MEF2A: variants seen among roughly 807,000 people sequenced by gnomAD.
The protein encoded by MEF2A is myocyte-specific enhancer factor 2A.
Under a neutral mutation model 55.8 loss-of-function variants are expected in MEF2A, and 28 were observed. The ratio of observed to expected loss-of-function variants is 0.50; its 90% CI spans 0.37 to 0.69. The LOEUF is 0.69. Among genes scored for constraint, MEF2A ranks in the 30% least tolerant of loss-of-function variants. The probability of loss-of-function intolerance (pLI) is 0.00; values close to 1 mark genes in which losing one functional copy is unlikely to be tolerated. For missense variants in MEF2A, 528 were observed against 626.2 expected (o/e 0.84, Z 1.67); for synonymous variants, 239 against 227.1 (o/e 1.05, Z -0.47).
intron 1 of MEF2A, among the ~76,000 whole-genome samples, chr15:99,591,799 C>T (rs1041681709): frequency 6.6e-6 from 1 of 152,006 alleles, no homozygotes; most frequent in Admixed American, 6.6e-5. Flanking sequence ...TTTTGAGATA[C>T]TGCACTTTTT....
intron 8 of MEF2A, among the ~76,000 whole-genome samples, chr15:99,693,566 A>G (rs2055913500): frequency 6.6e-6 from 1 of 152,228 alleles, no homozygotes; most frequent in Non-Finnish European, 1.5e-5. Context: ...TTCACAAACT[A>G]AACTATTCAA....
chr15:99,695,103 A>T (rs1404143794), intron 8 of MEF2A, among the ~76,000 whole-genome samples: 1 of 151,926 alleles, frequency 6.6e-6, no homozygotes, highest in Non-Finnish European at 1.5e-5. Context: ...AAGGAACATT[A>T]TTTTTATGGA....
At chr15:99,587,223 A>G (rs1160674997) in intron 1 of MEF2A, among the ~76,000 whole-genome samples, 1 of 151,846 alleles carries the variant, frequency 6.6e-6, no homozygotes, top group African/African-American at 2.4e-5. Context: ...CCACCCCATG[A>G]CAGGCCCCGG....
At chr15:99,706,245 A>G (rs186461446) in intron 9 of MEF2A, among the ~76,000 whole-genome samples, 7 of 152,396 alleles carry the variant, frequency 4.6e-5, no homozygotes, top group South Asian at 2.1e-4. Flanking sequence ...TAAGAATACA[A>G]GCTGCACCCA....
intron 3 of MEF2A, among the ~76,000 whole-genome samples, chr15:99,641,918 T>C (rs887449895): frequency 6.6e-6 from 1 of 152,236 alleles, no homozygotes; most frequent in African/African-American, 2.4e-5. Context: ...TTTTAGAAGC[T>C]GAGCGTGCAG....
rs747168853 is a variant in MEF2A, at chr15:99,712,533, A to AGCAGCC, written c.1283_1288dup (p.Gln428_Pro429dup). Reference sequence around the variant, plus strand: ...CAGCAGCAGCAGCAGCAGCAGCAGCAGCAGCCGCCGCCACCACCGCAGCCC... The same window carrying AGCAGCC: ...CAGCAGCAGCAGCAGCAGCAGCAGCAGCAGCCGCAGCCGCCGCCACCACCGCAGCCC... On this transcript the variant is annotated inframe_insertion, in exon 12 of 12. Transcript: ENST00000557942. The surrounding 1 kb of genome is among the most constrained non-coding windows in gnomAD (Gnocchi z 4.1). 6.5e-6 allele frequency: 9 copies of AGCAGCC among 1,381,202 alleles called. No homozygotes were observed. The South Asian group carries it at 1.0e-4, about 16-fold the overall frequency. 85.6% of individuals were successfully genotyped at this position (1,381,202 alleles called of 1,614,324 possible).
At chr15:99,656,399 G>A (rs1937309891) in intron 4 of MEF2A, among the ~76,000 whole-genome samples, 1 of 152,084 alleles carries the variant, frequency 6.6e-6, no homozygotes, top group Admixed American at 6.6e-5. Context: ...ATGCAGCTTT[G>A]TATTCTGCAC....
intron 2 of MEF2A, among the ~76,000 whole-genome samples, chr15:99,614,023 T>C (rs186480357): frequency 6.6e-6 from 1 of 152,272 alleles, no homozygotes; most frequent in African/African-American, 2.4e-5. Flanking sequence ...GAAAAAGACA[T>C]GATATTAGGG....
At chr15:99,706,185 C>A (rs549680487) in intron 9 of MEF2A, among the ~76,000 whole-genome samples, 1 of 152,228 alleles carries the variant, frequency 6.6e-6, no homozygotes, top group South Asian at 2.1e-4. Flanking sequence ...GATACATGTC[C>A]GAATCTGTTG....
At position 99,690,374 on chromosome 15, in the gene MEF2A, A is replaced by G. The variant is rs1458092633; in HGVS notation, c.804A>G (p.Lys268=). ...GGGNLGMNSR[K]PDLRVVIPPS... ...GTAATCTTGGAATGAACAGTAGGAA[A>G]CCAGATCTTCGAGTTGTCATCCCCC... The change falls in exon 8 of 12, where the codon AAA becomes AAG. Residue 268 remains lysine, a synonymous_variant. Transcript: ENST00000557942. 1.2e-6 allele frequency: 2 copies of G among 1,610,734 alleles called. No homozygotes were observed. The highest frequency in any genetic ancestry group is 1.7e-6 in the Non-Finnish European group (2 of 1,177,918).
chr15:99,655,707 G>A (rs191576228), intron 4 of MEF2A, among the ~76,000 whole-genome samples: 9 of 152,200 alleles, frequency 5.9e-5, no homozygotes, highest in African/African-American at 2.2e-4. Context: ...AGATTAAAGT[G>A]GGGGGTTAGG....
At chr15:99,668,484 A>G (rs967940083) in intron 4 of MEF2A, among the ~76,000 whole-genome samples, 3 of 151,778 alleles carry the variant, frequency 2.0e-5, no homozygotes, top group African/African-American at 7.3e-5. Flanking sequence ...GCATTGAAAA[A>G]CTCAATCACG....
chr15:99,609,055 C>A (rs1976182844), intron 2 of MEF2A, among the ~76,000 whole-genome samples: 1 of 152,138 alleles, frequency 6.6e-6, no homozygotes, highest in South Asian at 2.1e-4. Flanking sequence ...GGAAAAGGCC[C>A]CTCTGATTTT....
rs142672336 is a variant in MEF2A, at chr15:99,668,918, A to G, written c.259-2405A>G. The stretch of plus-strand genomic sequence containing the variant: ...AGTGATAAGGAGACACAAGTTGCCT[A>G]TCAAACAGAGGTACATTAGCTTATT... On this transcript the variant is annotated intron_variant, in intron 4 of 11. Transcript: ENST00000557942. Among the ~76,000 whole-genome samples, 10 of 152,340 alleles carry G rather than the reference A, an allele frequency of 6.6e-5. 1 individual carries two copies. In the East Asian group the frequency reaches 7.7e-4, roughly 12 times the overall value.
At chr15:99,674,276 C>G in intron 5 of MEF2A, 117 bp from the exon 6 acceptor site, 1 of 851,524 alleles carries the variant, frequency 1.2e-6, no homozygotes, top group East Asian at 2.4e-5. Flanking sequence ...GGTTAAGAAC[C>G]TATCCCTATC....
intron 8 of MEF2A, among the ~76,000 whole-genome samples, chr15:99,691,104 T>TTTG (rs1555496434): frequency 1.3e-5 from 2 of 149,910 alleles, no homozygotes; most frequent in African/African-American, 4.9e-5. Context: ...AATCAGGTTT[T>TTTG]TTTTTTTTTT....
intron 4 of MEF2A, among the ~76,000 whole-genome samples, chr15:99,650,092 C>T (rs1438305315): frequency 4.6e-5 from 7 of 151,984 alleles, no homozygotes; most frequent in Admixed American, 3.9e-4. Context: ...AGGAGGTTTT[C>T]ACCACAGGCA....
chr15:99,655,863 T>C (rs557648723), intron 4 of MEF2A, among the ~76,000 whole-genome samples: 20 of 152,240 alleles, frequency 1.3e-4, no homozygotes, highest in Non-Finnish European at 2.5e-4. Flanking sequence ...TTGTGTGTTA[T>C]AAAACAGTTA....
At chr15:99,642,796 G>T (rs558366064) in intron 3 of MEF2A, among the ~76,000 whole-genome samples, 2 of 152,140 alleles carry the variant, frequency 1.3e-5, no homozygotes, top group African/African-American at 4.8e-5. Flanking sequence ...TGCCACTTTT[G>T]TGAAGAACTC....
Sources: gnomAD v4.1 joint callset for allele counts (sites outside exome capture counted in the v4.1 genomes callset) on GRCh38, gnomAD v4.1.1 for gene constraint, Gnocchi (gnomAD v3.1) non-coding constraint, MANE v1.5 for transcripts, NCBI Gene and HGNC (gene_info 2026-07-23, HGNC 2026-07-21) for gene names.